The following FSAF1 variants were observed in gnomAD, a reference collection of about 807,000 sequenced individuals.
FSAF1 encodes uncharacterized protein C1orf131.
the FSAF1 span, chr1:231,229,350 A>AT: frequency 2.0e-6 from 1 of 492,622 alleles, no homozygotes; most frequent in Non-Finnish European, 3.6e-6. Context: ...AAACCAGAAA[A>AT]TAACAAGTGT....
At chr1:231,224,519 C>T in the FSAF1 span, 56 of 1,190,406 alleles carry the variant, frequency 4.7e-5, no homozygotes, top group Middle Eastern at 5.0e-4. Context: ...AACTCCTGGT[C>T]GCCTGCCATG....
At chr1:231,226,860 T>G in the FSAF1 span, 4 of 1,591,980 alleles carry the variant, frequency 2.5e-6, no homozygotes, top group Non-Finnish European at 3.4e-6. Context: ...AACCATCATA[T>G]TTTATTCTGC....
the FSAF1 span, chr1:231,225,579 C>A: frequency 6.6e-7 from 1 of 1,503,980 alleles, no homozygotes; most frequent in Non-Finnish European, 9.3e-7. Context: ...GGGATTCAAA[C>A]AAAAGGCAAG....
the FSAF1 span, among the ~76,000 whole-genome samples, chr1:231,233,284 A>T: frequency 6.6e-6 from 1 of 152,218 alleles, no homozygotes; most frequent in South Asian, 2.1e-4. Context: ...TCTCTAGTAT[A>T]AAAGTTATGT....
chr1:231,224,491 A>G, the FSAF1 span: 1 of 1,450,304 alleles, frequency 6.9e-7, no homozygotes. Context: ...CAACCAGGCC[A>G]CTGCAGTCTG....
At chr1:231,224,383 A>G in the FSAF1 span, 78 of 1,611,484 alleles carry the variant, frequency 4.8e-5, no homozygotes, top group Admixed American at 1.1e-3. Context: ...CCATTTGACA[A>G]AATACTGGGA....
At chr1:231,224,381 C>G in the FSAF1 span, 2 of 1,612,210 alleles carry the variant, frequency 1.2e-6, no homozygotes, top group Non-Finnish European at 1.7e-6. Context: ...GTCCATTTGA[C>G]AAAATACTGG....
At chr1:231,238,688 A>C in the FSAF1 span, 4 of 603,226 alleles carry the variant, frequency 6.6e-6, no homozygotes, top group Admixed American at 3.1e-5. Flanking sequence ...CTGTAGGCCT[A>C]CATGACTGAT....
chr1:231,233,852 A>T, the FSAF1 span, among the ~76,000 whole-genome samples: 3 of 152,204 alleles, frequency 2.0e-5, no homozygotes, highest in Non-Finnish European at 4.4e-5. Context: ...TGCCCAGCCG[A>T]ACAAAAATGA....
At chr1:231,235,768 A>G in the FSAF1 span, among the ~76,000 whole-genome samples, 1 of 152,200 alleles carries the variant, frequency 6.6e-6, no homozygotes, top group Non-Finnish European at 1.5e-5. Flanking sequence ...ACACCACTGC[A>G]TTCCAGCAGG....
At chr1:231,225,394 T>C in the FSAF1 span, 7 of 1,405,520 alleles carry the variant, frequency 5.0e-6, no homozygotes, top group African/African-American at 4.3e-5. Context: ...ACCACATACA[T>C]TCAAGGCGTC....
chr1:231,238,971 A>G, the FSAF1 span: 3 of 1,614,192 alleles, frequency 1.9e-6, no homozygotes, highest in Non-Finnish European at 2.5e-6. Flanking sequence ...CTGCAGCAGC[A>G]AGGATCTCTG....
At chr1:231,226,716 A>G in the FSAF1 span, 1 of 1,567,558 alleles carries the variant, frequency 6.4e-7, no homozygotes, top group Non-Finnish European at 8.8e-7. Flanking sequence ...CTAGTTGAAT[A>G]AAGGACAGAC....
chr1:231,237,620 AT>A, the FSAF1 span: 2 of 152,188 alleles, frequency 1.3e-5, no homozygotes, highest in African/African-American at 4.8e-5. Context: ...GAGGCAAAGG[AT>A]TCTCCCCCAA....
At chr1:231,226,964 G>A in the FSAF1 span, 1 of 1,613,940 alleles carries the variant, frequency 6.2e-7, no homozygotes, top group Non-Finnish European at 8.5e-7. Context: ...GGTAGCAGCA[G>A]CCCCTCACCT....
At chr1:231,241,161 G>C in the FSAF1 span, 4 of 1,597,908 alleles carry the variant, frequency 2.5e-6, no homozygotes, top group African/African-American at 4.0e-5. Context: ...CTGCACCCCC[G>C]CTTCCGGGTT....
chr1:231,224,577 C>T, the FSAF1 span: 6 of 625,002 alleles, frequency 9.6e-6, no homozygotes, highest in Non-Finnish European at 1.6e-5. Flanking sequence ...AAACATGCTA[C>T]TGCCTTCCTG....
chr1:231,238,673 T>C, the FSAF1 span: 1 of 535,800 alleles, frequency 1.9e-6, no homozygotes. Flanking sequence ...ATAACTAAGG[T>C]CAGTCTGTAG....
chr1:231,234,329 G>T, the FSAF1 span, among the ~76,000 whole-genome samples: 76 of 152,338 alleles, frequency 5.0e-4, no homozygotes, highest in Non-Finnish European at 1.0e-3. This position sits in a 1 kb window ranked among gnomAD's most constrained non-coding sequence, Gnocchi z 4.0. Flanking sequence ...CCCAATGCTA[G>T]CTGTGGAGAA....
Sources: gnomAD v4.1 joint callset for allele counts (sites outside exome capture counted in the v4.1 genomes callset) on GRCh38, gnomAD v4.1.1 for gene constraint, Gnocchi (gnomAD v3.1) non-coding constraint, MANE v1.5 for transcripts, NCBI Gene and HGNC (gene_info 2026-07-23, HGNC 2026-07-21) for gene names.